TBC1D5: variants seen among roughly 807,000 people sequenced by gnomAD.
TBC1D5 encodes the protein TBC1 domain family, member 5.
A neutral mutation model predicts 100.3 loss-of-function variants in TBC1D5; 75 were observed. That is an observed-to-expected ratio of 0.75 (90% confidence interval 0.62 to 0.91). TBC1D5 has a LOEUF of 0.91. Ranked by LOEUF, TBC1D5 falls within the 40% of genes least tolerant of loss-of-function variation. The pLI, the probability that TBC1D5 is intolerant of heterozygous loss-of-function variation, is 0.00. For missense variants in TBC1D5, 910 were observed against 942.4 expected (o/e 0.97, Z 0.45); for synonymous variants, 323 against 325.6 (o/e 0.99, Z 0.09).
In TBC1D5 at chr3:17,591,233, CAAAAAAA is replaced by C. The variant is rs60889092; in HGVS notation, c.-36+32609_-36+32615del. The stretch of plus-strand genomic sequence containing the variant: ...ACTGGGCTACAAAGAAAGGATCTGT[CAAAAAAA>C]AAAAAAAAAAAAAAAAAAAAAAAAA... On this transcript the variant is annotated intron_variant, in intron 2 of 21. Transcript: ENST00000253692. 9.9e-3 allele frequency among the ~76,000 whole-genome samples: 184 copies of C among 18,626 alleles called. 1 individual carries two copies. Among genetic ancestry groups the C allele is most frequent in the South Asian group, 0.018 (8 of 438 alleles). 12.2% of individuals were successfully genotyped at this position (18,626 alleles called of 152,430 possible).
chr3:17,734,447 T>C (rs146835594), intron 1 of TBC1D5, among the ~76,000 whole-genome samples: 2 of 152,316 alleles, frequency 1.3e-5, no homozygotes, highest in African/African-American at 4.8e-5. Context: ...CTCTACTTCA[T>C]ACTGTACAAC....
chr3:17,508,438 C>T lies in TBC1D5; in HGVS notation c.97+36G>A, dbSNP rs746688250. ...GGGCCCTCTGCTAGGTTTCCCAGTA[C>T]ACTACCTACAAATAGTATTGGCATA... On this transcript the variant is annotated intron_variant, in intron 3 of 21. Coordinates refer to ENST00000253692, the Ensembl canonical transcript of TBC1D5. 47 of 1,548,422 alleles carry T rather than the reference C, an allele frequency of 3.0e-5. 1 individual carries two copies. In the South Asian group the frequency reaches 5.0e-4, roughly 17 times the overall value.
At chr3:17,213,076 T>C (rs2073174075) in intron 18 of TBC1D5, among the ~76,000 whole-genome samples, 1 of 152,190 alleles carries the variant, frequency 6.6e-6, no homozygotes, top group Non-Finnish European at 1.5e-5. Context: ...TAGACAGGTG[T>C]ACCATTTTTT....
At chr3:17,235,720 A>G (rs958693815) in intron 17 of TBC1D5, among the ~76,000 whole-genome samples, 4 of 152,204 alleles carry the variant, frequency 2.6e-5, no homozygotes, top group Non-Finnish European at 4.4e-5. Context: ...GAAGAGGGTC[A>G]GAGAGCTTCA....
intron 14 of TBC1D5, among the ~76,000 whole-genome samples, chr3:17,303,607 C>T (rs939731682): frequency 2.0e-5 from 3 of 152,172 alleles, no homozygotes; most frequent in Non-Finnish European, 4.4e-5. Context: ...CCAAGCAGAT[C>T]TAGAACTGCT....
intron 19 of TBC1D5, among the ~76,000 whole-genome samples, chr3:17,173,680 A>T (rs1323524686): frequency 6.6e-6 from 1 of 152,170 alleles, no homozygotes; most frequent in South Asian, 2.1e-4. Flanking sequence ...TTAAATATTC[A>T]GATATCTGGA....
chr3:17,651,371 A>G (rs1441211925), intron 1 of TBC1D5, among the ~76,000 whole-genome samples: 1 of 152,224 alleles, frequency 6.6e-6, no homozygotes, highest in African/African-American at 2.4e-5. Flanking sequence ...TGTATCTAAC[A>G]TAAGTTACAT....
chr3:17,368,492 T>C (rs947624220), intron 13 of TBC1D5, among the ~76,000 whole-genome samples: 1 of 151,998 alleles, frequency 6.6e-6, no homozygotes, highest in African/African-American at 2.4e-5. Flanking sequence ...TGTTAAAAAT[T>C]TTGACTAAAA....
intron 17 of TBC1D5, among the ~76,000 whole-genome samples, chr3:17,220,852 T>C (rs549346826): frequency 2.0e-4 from 31 of 152,256 alleles, no homozygotes; most frequent in Non-Finnish European, 3.1e-4. Flanking sequence ...CAAGAAGCCA[T>C]GGCATTTTGA....
intron 2 of TBC1D5, among the ~76,000 whole-genome samples, chr3:17,603,645 CT>C (rs1390533588): frequency 6.6e-6 from 1 of 152,070 alleles, no homozygotes. Context: ...CAAAGTCATT[CT>C]TTTATTCTGG....
chr3:17,522,742 A>G (rs908799979), intron 2 of TBC1D5, among the ~76,000 whole-genome samples: 1 of 152,164 alleles, frequency 6.6e-6, no homozygotes, highest in African/African-American at 2.4e-5. Flanking sequence ...ATTAGGTAAA[A>G]GAATGTAGCA....
rs10663489 is a variant in TBC1D5 at position 17,485,332 on chromosome 3, T to TTTATTA, written c.97+23136_97+23141dup. 4.4e-3 allele frequency among the ~76,000 whole-genome samples: 659 copies of TTTATTA among 149,700 alleles called. 4 individuals carry two copies. The highest frequency in any genetic ancestry group is 0.015 in the African/African-American group (606 of 40,574). ...TTTTTACATTTACAAGCCAATATTC[T>TTTATTA]TTATTATTATTATTATTATACTTTA... On this transcript the variant is annotated intron_variant, in intron 3 of 21. Transcript: ENST00000253692.
intron 17 of TBC1D5, among the ~76,000 whole-genome samples, chr3:17,216,075 T>C (rs1455111954): frequency 1.3e-5 from 2 of 152,118 alleles, no homozygotes; most frequent in Non-Finnish European, 2.9e-5. Flanking sequence ...GAGAGAGCTA[T>C]TACCTCTCCC....
chr3:17,583,023 G>A (rs2096709558), intron 2 of TBC1D5, among the ~76,000 whole-genome samples: 1 of 152,126 alleles, frequency 6.6e-6, no homozygotes, highest in South Asian at 2.1e-4. Context: ...GGTGGCTTAT[G>A]CCTATAATCC....
chr3:17,708,447 T>C (rs902827371), intron 1 of TBC1D5, among the ~76,000 whole-genome samples: 2 of 152,246 alleles, frequency 1.3e-5, no homozygotes, highest in African/African-American at 4.8e-5. Flanking sequence ...AGTTTCTTTG[T>C]TCACTTGTGT....
chr3:17,630,485 G>A (rs2063396174), intron 1 of TBC1D5, among the ~76,000 whole-genome samples: 2 of 151,984 alleles, frequency 1.3e-5, no homozygotes, highest in South Asian at 4.2e-4. Context: ...TAATTATGTT[G>A]GGGCACCACA....
At chr3:17,279,797 C>T (rs1260132878) in intron 15 of TBC1D5, among the ~76,000 whole-genome samples, 1 of 152,192 alleles carries the variant, frequency 6.6e-6, no homozygotes, top group Non-Finnish European at 1.5e-5. Flanking sequence ...ATTAGAATAT[C>T]TGGGAATCTG....
chr3:17,372,306 T>A, intron 12 of TBC1D5, 59 bp from the exon 13 acceptor site: 1 of 1,420,150 alleles, frequency 7.0e-7, no homozygotes, highest in Non-Finnish European at 9.4e-7. Context: ...AATATATGGA[T>A]GTCATTCTTT....
intron 16 of TBC1D5, among the ~76,000 whole-genome samples, chr3:17,250,898 T>G (rs1161083429): frequency 6.6e-6 from 1 of 152,234 alleles, no homozygotes; most frequent in East Asian, 1.9e-4. Flanking sequence ...TGGCACTAAA[T>G]GCAAGAATTG....
Sources: allele counts gnomAD v4.1 joint callset (sites outside exome capture counted in the v4.1 genomes callset), GRCh38; gene constraint gnomAD v4.1.1; transcripts MANE v1.5; gene names NCBI Gene and HGNC (gene_info 2026-07-23, HGNC 2026-07-21).